The following SLC25A13 variants were observed in gnomAD, a reference collection of about 807,000 sequenced individuals.
The protein encoded by SLC25A13 is electrogenic aspartate/glutamate antiporter SLC25A13, mitochondrial.
In SLC25A13, 70 loss-of-function variants were observed where a neutral mutation model predicts 85.5. That is an observed-to-expected ratio of 0.82 (90% CI 0.68 to 1.00). The LOEUF is 1.00. Among genes scored for constraint, SLC25A13 ranks in the 50% least tolerant of loss-of-function variants. The probability of loss-of-function intolerance (pLI) is 0.00; values close to 1 mark genes in which losing one functional copy is unlikely to be tolerated. For missense variants in SLC25A13, 765 were observed against 819.8 expected, an observed-to-expected ratio of 0.93 and a Z score of 0.82; for synonymous variants, 259 against 288.7, an observed-to-expected ratio of 0.90 and a Z score of 1.04.
chr7:96,289,250 C>A (rs1415243323), intron 2 of SLC25A13, among the ~76,000 whole-genome samples: 1 of 152,152 alleles, frequency 6.6e-6, no homozygotes, highest in East Asian at 1.9e-4. Flanking sequence ...ACCAAAACCC[C>A]ATCTGTACGT....
intron 11 of SLC25A13, among the ~76,000 whole-genome samples, chr7:96,177,260 G>C (rs1794257025): frequency 6.6e-6 from 1 of 152,154 alleles, no homozygotes; most frequent in Non-Finnish European, 1.5e-5. Context: ...GAGCACATGT[G>C]GTCTGGAAGT....
At chr7:96,224,864 C>G (rs547368158) in intron 4 of SLC25A13, among the ~76,000 whole-genome samples, 1 of 152,272 alleles carries the variant, frequency 6.6e-6, no homozygotes, top group South Asian at 2.1e-4. Context: ...AGTATCAACA[C>G]CAGAGGGAGG....
At chr7:96,270,321 C>A (rs528971950) in intron 3 of SLC25A13, among the ~76,000 whole-genome samples, 157 of 152,244 alleles carry the variant, frequency 1.0e-3, no homozygotes, top group African/African-American at 3.6e-3. Context: ...TTTGGGAGGC[C>A]AAGGCAGGTG....
chr7:96,311,992 T>C (rs997595723), intron 1 of SLC25A13, among the ~76,000 whole-genome samples: 9 of 152,178 alleles, frequency 5.9e-5, no homozygotes, highest in African/African-American at 2.2e-4. Context: ...TCTGGGGTAA[T>C]ACTGGGAAAG....
chr7:96,275,002 G>A (rs548161587), intron 3 of SLC25A13, among the ~76,000 whole-genome samples: 29 of 152,222 alleles, frequency 1.9e-4, no homozygotes, highest in African/African-American at 5.8e-4. Flanking sequence ...GCTCTTTTTC[G>A]ATTCCATATG....
chr7:96,235,337 T>C (rs1282397443), intron 3 of SLC25A13, among the ~76,000 whole-genome samples: 3 of 152,156 alleles, frequency 2.0e-5, no homozygotes, highest in Non-Finnish European at 2.9e-5. Flanking sequence ...TTCACAGATA[T>C]TGATTCACTA....
At chr7:96,306,981 G>A (rs1470225960) in intron 1 of SLC25A13, 1 of 836,028 alleles carries the variant, frequency 1.2e-6, no homozygotes, top group East Asian at 2.8e-5. Flanking sequence ...CAGCACCGAT[G>A]GCTTCCCTTT....
intron 4 of SLC25A13, among the ~76,000 whole-genome samples, chr7:96,231,237 A>G (rs1392585381): frequency 6.6e-6 from 1 of 152,224 alleles, no homozygotes; most frequent in Admixed American, 6.5e-5. Flanking sequence ...AATTGCAATA[A>G]AAACAAAAAT....
intron 3 of SLC25A13, among the ~76,000 whole-genome samples, chr7:96,256,506 C>G (rs996472884): frequency 1.3e-5 from 2 of 152,110 alleles, no homozygotes; most frequent in African/African-American, 4.8e-5. Flanking sequence ...ATCAATCCGA[C>G]AAGAAGAGCT....
intron 5 of SLC25A13, 81 bp from the exon 6 acceptor site, chr7:96,193,264 G>A (rs1794931514): frequency 6.5e-6 from 10 of 1,529,014 alleles, no homozygotes; most frequent in Non-Finnish European, 8.9e-6. Context: ...TTTAAAATCA[G>A]ACTGAAGAAA....
chr7:96,209,020 AG>A, intron 4 of SLC25A13, 43 bp from the exon 5 acceptor site: 1 of 1,600,568 alleles, frequency 6.2e-7, no homozygotes. Flanking sequence ...AAGTAAATGA[AG>A]TTCTTTCTGA....
chr7:96,230,630 T>C (rs1228879411), intron 4 of SLC25A13, among the ~76,000 whole-genome samples: 1 of 152,202 alleles, frequency 6.6e-6, no homozygotes, highest in East Asian at 1.9e-4. Context: ...AAGATACTTA[T>C]AAACAGAAGT....
chr7:96,307,840 C>T (rs1039606693), intron 1 of SLC25A13, among the ~76,000 whole-genome samples: 1 of 152,062 alleles, frequency 6.6e-6, no homozygotes, highest in African/African-American at 2.4e-5. Context: ...ATGAGCTTTG[C>T]AATGGAACAT....
At chr7:96,207,769 G>A (rs914895555) in intron 5 of SLC25A13, among the ~76,000 whole-genome samples, 2 of 152,084 alleles carry the variant, frequency 1.3e-5, no homozygotes, top group Non-Finnish European at 2.9e-5. Flanking sequence ...CATCATCAGT[G>A]GCCCAATGAT....
intron 4 of SLC25A13, among the ~76,000 whole-genome samples, chr7:96,211,451 G>T (rs1195454243): frequency 1.3e-5 from 2 of 151,948 alleles, no homozygotes; most frequent in African/African-American, 2.4e-5. Flanking sequence ...TACTATACTA[G>T]ATGTATATAA....
intron 15 of SLC25A13, among the ~76,000 whole-genome samples, chr7:96,126,626 C>T (rs1791737754): frequency 6.6e-6 from 1 of 152,158 alleles, no homozygotes; most frequent in African/African-American, 2.4e-5. Context: ...CCAGTTCAGC[C>T]CTTGCATTAG....
At chr7:96,122,483 C>G (rs1399124208) in intron 15 of SLC25A13, among the ~76,000 whole-genome samples, 1 of 152,024 alleles carries the variant, frequency 6.6e-6, no homozygotes, top group Non-Finnish European at 1.5e-5. Context: ...TTCAACCACC[C>G]CCTACTCTCC....
chr7:96,139,344 C>T (rs925087175), intron 14 of SLC25A13, among the ~76,000 whole-genome samples: 4 of 152,162 alleles, frequency 2.6e-5, no homozygotes, highest in Non-Finnish European at 4.4e-5. Flanking sequence ...CAAACCCGCA[C>T]ATGTTCCCTC....
Position 96,294,395 on chromosome 7 carries a change from G to A in SLC25A13, c.69+2503C>T, listed in dbSNP as rs540582446. On this transcript the variant is annotated intron_variant, in intron 2 of 17. Coordinates refer to ENST00000265631, the MANE Select transcript of SLC25A13 (RefSeq NM_014251.3). ...GTATACATATGTAACAAACCTGCAC[G>A]TTGTGCCCATGTACCCTAGAACTTA... 3.3e-4 allele frequency among the ~76,000 whole-genome samples: 50 copies of A among 152,132 alleles called. 1 individual carries two copies. The South Asian group carries it at 9.1e-3, about 28-fold the overall frequency.
Sources: allele counts gnomAD v4.1 joint callset (sites outside exome capture counted in the v4.1 genomes callset), GRCh38; gene constraint gnomAD v4.1.1; transcripts MANE v1.5; gene names NCBI Gene and HGNC (gene_info 2026-07-23, HGNC 2026-07-21).